SYNE1: variants seen among roughly 807,000 people sequenced by gnomAD.
SYNE1 encodes nesprin-1.
SYNE1 carries 616 observed loss-of-function variants against 1,111.0 expected under a neutral mutation model. The ratio of observed to expected loss-of-function variants is 0.55; its 90% confidence interval spans 0.52 to 0.59. The LOEUF (loss-of-function observed/expected upper bound fraction) is 0.59. Ranked by LOEUF, SYNE1 falls within the 20% of genes least tolerant of loss-of-function variation. The pLI is 0.00. For missense variants in SYNE1, 10,006 were observed against 10,417.0 expected, an observed-to-expected ratio of 0.96 and a Z score of 1.72; for synonymous variants, 3,855 against 3,825.8, an observed-to-expected ratio of 1.01 and a Z score of -0.28.
chr6:152,378,794 T>G (rs1381469656), intron 56 of SYNE1, among the ~76,000 whole-genome samples: 2 of 152,184 alleles, frequency 1.3e-5, no homozygotes, highest in Non-Finnish European at 2.9e-5. Flanking sequence ...CACAGGACCT[T>G]GCAGACATTC....
intron 43 of SYNE1, 119 bp downstream of exon 43, chr6:152,409,440 A>G: frequency 2.2e-6 from 3 of 1,393,404 alleles, no homozygotes; most frequent in Non-Finnish European, 3.0e-6. Flanking sequence ...AGTTGAGCTC[A>G]TTAGCATGAA....
chr6:152,430,461 T>C (rs778191849), intron 35 of SYNE1, 21 bp downstream of exon 35: 1 of 1,589,784 alleles, frequency 6.3e-7, no homozygotes, highest in East Asian at 2.2e-5. Context: ...TAAACTTAAG[T>C]ATAGGTGGAT....
At position 152,393,922 on chromosome 6, in the gene SYNE1, A is replaced by C. The variant is rs529800535; in HGVS notation, c.7712+1594T>G. On this transcript the variant is annotated intron_variant, in intron 51 of 145. Transcript: ENST00000367255. ...TACAAGTGCCATGGTGGTTTGCTGC[A>C]CCCATCAACCTGTCATCTACATTAG... Among the ~76,000 whole-genome samples, 162 of 152,268 alleles carry C rather than the reference A, an allele frequency of 1.1e-3. 4 individuals carry two copies. Among genetic ancestry groups the C allele is most frequent in the African/African-American group, 3.6e-3 (151 of 41,550 alleles).
chr6:152,362,712 C>A (rs2096955320), intron 63 of SYNE1, among the ~76,000 whole-genome samples: 1 of 152,108 alleles, frequency 6.6e-6, no homozygotes, highest in Non-Finnish European at 1.5e-5. Context: ...CCGAGCAGGA[C>A]ATTGAGAGCA....
At chr6:152,165,351 G>C (rs960542097) in intron 130 of SYNE1, among the ~76,000 whole-genome samples, 2 of 152,108 alleles carry the variant, frequency 1.3e-5, no homozygotes, top group African/African-American at 4.8e-5. Flanking sequence ...TCTCTCTCAA[G>C]TGAAAATGTA....
chr6:152,576,680 T>C (rs1393887038), intron 3 of SYNE1, among the ~76,000 whole-genome samples: 1 of 152,224 alleles, frequency 6.6e-6, no homozygotes, highest in Non-Finnish European at 1.5e-5. Flanking sequence ...GATAGCCAGA[T>C]TCTTGACCTT....
intron 58 of SYNE1, among the ~76,000 whole-genome samples, chr6:152,375,582 TA>T (rs370869821): frequency 1.2e-4 from 18 of 151,210 alleles, no homozygotes; most frequent in Admixed American, 4.6e-4. Context: ...ACAGTTAGGT[TA>T]AAAAAAAAGA....
At chr6:152,572,203 T>A (rs2099464719) in intron 3 of SYNE1, among the ~76,000 whole-genome samples, 1 of 152,230 alleles carries the variant, frequency 6.6e-6, no homozygotes, top group Non-Finnish European at 1.5e-5. Flanking sequence ...TTTACTGTAA[T>A]GAAGTGTAAC....
At chr6:152,468,889 C>T (rs1298440056) in intron 16 of SYNE1, among the ~76,000 whole-genome samples, 1 of 152,140 alleles carries the variant, frequency 6.6e-6, no homozygotes, top group African/African-American at 2.4e-5. Flanking sequence ...CATCCTCCTG[C>T]CTCAGCCTCC....
intron 3 of SYNE1, among the ~76,000 whole-genome samples, chr6:152,554,461 G>T (rs1159990636): frequency 6.6e-6 from 1 of 151,992 alleles, no homozygotes; most frequent in Non-Finnish European, 1.5e-5. Context: ...AGGACTTCTG[G>T]ATCAAAAGAT....
At chr6:152,574,297 A>G (rs2099487392) in intron 3 of SYNE1, among the ~76,000 whole-genome samples, 2 of 150,824 alleles carry the variant, frequency 1.3e-5, no homozygotes, top group African/African-American at 4.9e-5. Context: ...AATATATATA[A>G]TATATATTTG....
rs960175962 is a variant in SYNE1, at chr6:152,268,153, C to T, written c.18718G>A (p.Glu6240Lys). Residue 6240 changes from glutamate (E) to lysine (K), a missense_variant, in exon 100 of 146, where the codon GAA (glutamate) becomes AAA (lysine). By Grantham distance (56) the Glu-to-Lys change is moderately conservative. Coordinates refer to ENST00000367255, the MANE Select transcript of SYNE1 (RefSeq NM_182961.4). The part of the protein sequence containing the change: ...SLQQQKELEQ[E>K]LAEQKSLLRS... ...AGGAGACTCTTCTGCTCGGCTAATTCCTGTTCTAACTCCTGCTCAAGGGAA... is the reference window on the plus strand; with the variant it reads ...AGGAGACTCTTCTGCTCGGCTAATTTCTGTTCTAACTCCTGCTCAAGGGAA... The T allele has an allele frequency of 6.2e-7, 1 of 1,613,922 alleles. No individual in the cohort carries two copies. The highest frequency in any genetic ancestry group is 1.7e-5 in the Admixed American group (1 of 60,008).
intron 4 of SYNE1, among the ~76,000 whole-genome samples, chr6:152,537,802 C>T (rs2099250649): frequency 6.6e-6 from 1 of 152,184 alleles, no homozygotes; most frequent in African/African-American, 2.4e-5. Flanking sequence ...TTCTGAACAG[C>T]TCCCAGTGCT....
chr6:152,156,152 AAACTGAAGC>A, intron 131 of SYNE1, 55 bp from the exon 132 acceptor site: 1 of 1,589,766 alleles, frequency 6.3e-7, no homozygotes, highest in East Asian at 2.2e-5. Flanking sequence ...CAGATGAGAG[AAACTGAAGC>A]AACCTATGTT....
chr6:152,405,843 TG>T (rs1201218022), intron 45 of SYNE1, among the ~76,000 whole-genome samples: 1 of 152,248 alleles, frequency 6.6e-6, no homozygotes, highest in Non-Finnish European at 1.5e-5. Flanking sequence ...ACATTTAGAA[TG>T]TTCTTTGGAT....
Position 152,569,215 on chromosome 6 carries a change from T to C in SYNE1, c.68-29194A>G, listed in dbSNP as rs1448571981. 2.0e-5 allele frequency among the ~76,000 whole-genome samples: 3 copies of C among 152,328 alleles called. No individual in the cohort carries two copies. The East Asian group carries it at 5.8e-4, about 29-fold the overall frequency. ...TAACAAGATACCCAGGTGATTCTTA[T>C]GCACAATCAAATTTTGGGATCACTG... On this transcript the variant is annotated intron_variant, in intron 3 of 145. Coordinates refer to ENST00000367255, the MANE Select transcript of SYNE1 (RefSeq NM_182961.4).
intron 3 of SYNE1, among the ~76,000 whole-genome samples, chr6:152,596,240 A>T (rs1198863919): frequency 6.7e-6 from 1 of 150,374 alleles, no homozygotes; most frequent in Admixed American, 6.7e-5. Context: ...CTTGTTTTAA[A>T]AAGTTATGAT....
rs143704825 is a variant in SYNE1, at chr6:152,412,283, G to C, written c.6230+1069C>G. Among the ~76,000 whole-genome samples, 667 of 152,198 alleles carry C rather than the reference G, an allele frequency of 4.4e-3. 7 individuals are homozygous for C. The highest frequency in any genetic ancestry group is 0.015 in the African/African-American group (633 of 41,528). ...AAAAATACAAAAAAAAATTAGCTGGGTGTGGTGGCGGGCACCTGCTATCCC... is the reference window on the plus strand; with the variant it reads ...AAAAATACAAAAAAAAATTAGCTGGCTGTGGTGGCGGGCACCTGCTATCCC... On this transcript the variant is annotated intron_variant, in intron 42 of 145. Transcript: ENST00000367255.
At chr6:152,568,179 T>C (rs759466137) in intron 3 of SYNE1, among the ~76,000 whole-genome samples, 27 of 151,926 alleles carry the variant, frequency 1.8e-4, no homozygotes, top group Admixed American at 9.8e-4. Flanking sequence ...ATAGGTTTCA[T>C]TGCATAAAAA....
Sources: allele counts gnomAD v4.1 joint callset (sites outside exome capture counted in the v4.1 genomes callset), GRCh38; gene constraint gnomAD v4.1.1; transcripts MANE v1.5; gene names NCBI Gene and HGNC (gene_info 2026-07-23, HGNC 2026-07-21).